SLC24A2: variants seen among roughly 807,000 people sequenced by gnomAD.
SLC24A2 encodes sodium/potassium/calcium exchanger 2.
SLC24A2 carries 36 observed loss-of-function variants against 62.0 expected under a neutral mutation model. The ratio of observed to expected loss-of-function variants is 0.58; its 90% CI spans 0.44 to 0.77. The LOEUF is 0.77. Ranked by LOEUF, SLC24A2 falls within the 30% of genes least tolerant of loss-of-function variation. The probability of loss-of-function intolerance (pLI) is 0.00; values close to 1 mark genes in which losing one functional copy is unlikely to be tolerated. For missense variants in SLC24A2, 846 were observed against 817.9 expected (o/e 1.03, Z -0.42); for synonymous variants, 358 against 294.0 (o/e 1.22, Z -2.23).
intron 2 of SLC24A2, among the ~76,000 whole-genome samples, chr9:19,686,745 G>A (rs1819893121): frequency 6.6e-6 from 1 of 152,140 alleles, no homozygotes; most frequent in Non-Finnish European, 1.5e-5. Context: ...ATGCTGAACT[G>A]TGAGTCAATT....
the SLC24A2 span, among the ~76,000 whole-genome samples, chr9:20,187,999 C>A: frequency 6.6e-6 from 1 of 152,212 alleles, no homozygotes; most frequent in Non-Finnish European, 1.5e-5. Flanking sequence ...ATCTCTGAAG[C>A]CCCAACAATA....
At chr9:19,875,550 G>A in the SLC24A2 span, among the ~76,000 whole-genome samples, 1 of 152,198 alleles carries the variant, frequency 6.6e-6, no homozygotes, top group African/African-American at 2.4e-5. Flanking sequence ...GGAATATCAA[G>A]ATTATCCTTA....
the SLC24A2 span, among the ~76,000 whole-genome samples, chr9:19,801,913 C>T: frequency 1.3e-5 from 2 of 152,158 alleles, no homozygotes; most frequent in Non-Finnish European, 2.9e-5. Flanking sequence ...TAGAGGTCGT[C>T]CTTTATTAAA....
At chr9:20,051,657 C>CT in the SLC24A2 span, among the ~76,000 whole-genome samples, 287 of 73,498 alleles carry the variant, frequency 3.9e-3, 5 homozygotes, top group Middle Eastern at 0.021. Flanking sequence ...TTTTCTTTCT[C>CT]TTTTTTTTTT....
the SLC24A2 span, among the ~76,000 whole-genome samples, chr9:20,081,706 C>T: frequency 6.6e-6 from 1 of 152,092 alleles, no homozygotes; most frequent in East Asian, 1.9e-4. Context: ...ATGAATTGTT[C>T]CCAGTGTCAC....
At chr9:19,909,727 C>G in the SLC24A2 span, among the ~76,000 whole-genome samples, 2 of 151,932 alleles carry the variant, frequency 1.3e-5, no homozygotes, top group Non-Finnish European at 2.9e-5. Flanking sequence ...AAATTTATGC[C>G]CTGATTTTAA....
chr9:19,722,565 T>C (rs1821057488), intron 2 of SLC24A2, among the ~76,000 whole-genome samples: 9 of 151,958 alleles, frequency 5.9e-5, no homozygotes, highest in Admixed American at 5.9e-4. Flanking sequence ...CATGGGGTAT[T>C]TATCGAAAAG....
At chr9:20,068,824 G>T in the SLC24A2 span, among the ~76,000 whole-genome samples, 1 of 152,112 alleles carries the variant, frequency 6.6e-6, no homozygotes. Context: ...AACTGATCCT[G>T]CTGTCAGCCT....
the SLC24A2 span, among the ~76,000 whole-genome samples, chr9:19,826,155 C>A: frequency 1.8e-5 from 2 of 113,954 alleles, no homozygotes; most frequent in East Asian, 2.6e-4. Context: ...GAAGTAGTTT[C>A]AGAAGAATGA....
At position 19,510,807 on chromosome 9, in the gene SLC24A2, T is replaced by C. The variant is rs1258409644; in HGVS notation, c.*5346A>G. The C allele has an allele frequency of 6.6e-6, 1 of 152,244 alleles. No homozygotes were observed. The highest frequency in any genetic ancestry group is 1.5e-5 in the Non-Finnish European group (1 of 68,054). The allele number at this position is 152,244 out of a possible 1,614,324, so 9.4% of individuals were successfully genotyped here. On this transcript the variant is annotated 3_prime_UTR_variant, in exon 11 of 11. Coordinates refer to ENST00000341998, the MANE Select transcript of SLC24A2 (RefSeq NM_020344.4). ...AGTCCCTCACTGTTCGTACGCTAAT[T>C]TGAAAACAGTTGCCTAGCCTGTCGT...
the SLC24A2 span, among the ~76,000 whole-genome samples, chr9:19,961,434 A>G: frequency 3.9e-5 from 6 of 152,082 alleles, no homozygotes; most frequent in Admixed American, 1.3e-4. Context: ...TTTCTTTCCA[A>G]TAAGTAGACT....
At chr9:19,911,147 T>C in the SLC24A2 span, among the ~76,000 whole-genome samples, 1 of 144,190 alleles carries the variant, frequency 6.9e-6, no homozygotes, top group African/African-American at 2.6e-5. Context: ...AATTCCCACC[T>C]ATGAGTGAGA....
At chr9:19,669,443 C>G (rs1168957532) in intron 2 of SLC24A2, among the ~76,000 whole-genome samples, 1 of 152,180 alleles carries the variant, frequency 6.6e-6, no homozygotes, top group Non-Finnish European at 1.5e-5. Flanking sequence ...CAGATATTAG[C>G]TTTTTAAAAT....
chr9:20,093,025 T>G, the SLC24A2 span, among the ~76,000 whole-genome samples: 1 of 152,114 alleles, frequency 6.6e-6, no homozygotes, highest in African/African-American at 2.4e-5. Flanking sequence ...GAATTGTATT[T>G]ATATAATATT....
the SLC24A2 span, among the ~76,000 whole-genome samples, chr9:19,959,421 T>A: frequency 1.8e-3 from 271 of 152,350 alleles, no homozygotes; most frequent in Non-Finnish European, 2.8e-3. Flanking sequence ...TGATCACTCT[T>A]GTCTACAATC....
chr9:19,738,345 A>G (rs1821570030), intron 2 of SLC24A2, among the ~76,000 whole-genome samples: 1 of 152,058 alleles, frequency 6.6e-6, no homozygotes, highest in Non-Finnish European at 1.5e-5. Flanking sequence ...GTTTTTCTGG[A>G]GTGGGGGCTG....
the SLC24A2 span, among the ~76,000 whole-genome samples, chr9:19,948,815 C>A: frequency 2.1e-5 from 3 of 143,232 alleles, no homozygotes; most frequent in African/African-American, 7.7e-5. Context: ...ACAGCACTCC[C>A]GCCTGGGCAA....
chr9:20,057,420 T>C, the SLC24A2 span, among the ~76,000 whole-genome samples: 3 of 152,334 alleles, frequency 2.0e-5, no homozygotes, highest in East Asian at 5.8e-4. Context: ...GGGGTAGATT[T>C]ATCATATTTA....
At chr9:19,993,871 C>T in the SLC24A2 span, among the ~76,000 whole-genome samples, 1 of 152,182 alleles carries the variant, frequency 6.6e-6, no homozygotes, top group Non-Finnish European at 1.5e-5. Flanking sequence ...CATTAATGCC[C>T]ATGGTGAAAA....
Sources: gnomAD v4.1 joint callset for allele counts (sites outside exome capture counted in the v4.1 genomes callset) on GRCh38, gnomAD v4.1.1 for gene constraint, MANE v1.5 for transcripts, NCBI Gene and HGNC (gene_info 2026-07-23, HGNC 2026-07-21) for gene names.